NALF1: variants seen among roughly 807,000 people sequenced by gnomAD.
The protein encoded by NALF1 is family with sequence similarity 155 member A.
In NALF1, 3 loss-of-function variants were observed where a neutral mutation model predicts 48.4. The observed-to-expected ratio is 0.06, with a 90% confidence interval of 0.03 to 0.16. The LOEUF (loss-of-function observed/expected upper bound fraction) is 0.16, where lower values mean the gene tolerates loss of function less well. Ranked by LOEUF, NALF1 falls within the 10% of genes least tolerant of loss-of-function variation. NALF1 has a pLI of 1.00. For missense variants in NALF1, 526 were observed against 571.5 expected, an observed-to-expected ratio of 0.92 and a Z score of 0.81; for synonymous variants, 262 against 245.7, an observed-to-expected ratio of 1.07 and a Z score of -0.62.
intron 1 of NALF1, among the ~76,000 whole-genome samples, chr13:107,833,842 A>G (rs941979670): frequency 3.9e-5 from 6 of 151,974 alleles, no homozygotes; most frequent in African/African-American, 1.4e-4. Flanking sequence ...AGTATTTTGC[A>G]TATTATCTTA....
rs1278138968 is a variant in NALF1 at position 107,543,281 on chromosome 13, T to C, written c.915+322401A>G. ...AACTTAAAACTAATGCTACATAATA[T>C]GTTATGATTTCATTTAGCCCACTTT... On this transcript the variant is annotated intron_variant, in intron 1 of 2. Coordinates refer to ENST00000375915, the MANE Select transcript of NALF1 (RefSeq NM_001080396.3). 5.3e-5 allele frequency among the ~76,000 whole-genome samples: 8 copies of C among 152,056 alleles called. No homozygotes were observed. The East Asian group carries it at 1.2e-3, about 22-fold the overall frequency.
Position 107,274,622 on chromosome 13 carries a change from G to A in NALF1, c.916-63867C>T, listed in dbSNP as rs1203100268. On this transcript the variant is annotated intron_variant, in intron 1 of 2. Coordinates refer to ENST00000375915, the MANE Select transcript of NALF1 (RefSeq NM_001080396.3). ...GTATGGCAAAGCAAAACAAACAAAA[G>A]GTTAAAGTCACATGATCAGTAGTTA... Among the ~76,000 whole-genome samples, 5 of 152,166 alleles carry A rather than the reference G, an allele frequency of 3.3e-5. No homozygotes were observed. The East Asian group carries it at 9.7e-4, about 29-fold the overall frequency.
intron 1 of NALF1, among the ~76,000 whole-genome samples, chr13:107,658,394 T>G (rs975149828): frequency 2.6e-5 from 4 of 152,244 alleles, no homozygotes; most frequent in African/African-American, 7.2e-5. Context: ...TTTTTAATGC[T>G]TATGGCTCTT....
intron 1 of NALF1, among the ~76,000 whole-genome samples, chr13:107,610,127 T>C (rs1384927926): frequency 6.6e-6 from 1 of 152,074 alleles, no homozygotes; most frequent in African/African-American, 2.4e-5. Flanking sequence ...GATAAAGATA[T>C]GGGGAAAAAT....
At chr13:107,575,624 TC>T (rs1446345988) in intron 1 of NALF1, among the ~76,000 whole-genome samples, 9 of 152,042 alleles carry the variant, frequency 5.9e-5, no homozygotes, top group Non-Finnish European at 1.2e-4. Context: ...GTAGCCCATT[TC>T]CCCCACTCCC....
intron 1 of NALF1, among the ~76,000 whole-genome samples, chr13:107,294,877 T>G (rs999637324): frequency 1.3e-5 from 2 of 152,236 alleles, no homozygotes; most frequent in Admixed American, 1.3e-4. Flanking sequence ...TGAGACCATG[T>G]ACAATGTTCA....
At chr13:107,633,937 T>C (rs1218399622) in intron 1 of NALF1, among the ~76,000 whole-genome samples, 5 of 149,198 alleles carry the variant, frequency 3.4e-5, no homozygotes. Context: ...TATATGGATA[T>C]ATATATTCTG....
At chr13:107,679,585 C>T (rs1007672762) in intron 1 of NALF1, among the ~76,000 whole-genome samples, 1 of 152,184 alleles carries the variant, frequency 6.6e-6, no homozygotes, top group Non-Finnish European at 1.5e-5. Context: ...TGATGGAGGG[C>T]ATGCACCTTC....
intron 1 of NALF1, among the ~76,000 whole-genome samples, chr13:107,507,496 T>C (rs1875736603): frequency 6.6e-6 from 1 of 151,330 alleles, no homozygotes; most frequent in Admixed American, 6.6e-5. Context: ...AGAAACCTGT[T>C]TATGTATCGT....
At chr13:107,220,322 C>A (rs1305461162) in intron 1 of NALF1, among the ~76,000 whole-genome samples, 3 of 152,198 alleles carry the variant, frequency 2.0e-5, no homozygotes, top group Non-Finnish European at 1.5e-5. Flanking sequence ...TAAGAGCCAA[C>A]CGGCACCCTG....
intron 1 of NALF1, among the ~76,000 whole-genome samples, chr13:107,229,326 C>T (rs1880172329): frequency 6.6e-6 from 1 of 152,056 alleles, no homozygotes; most frequent in Admixed American, 6.6e-5. Flanking sequence ...TGGAGAAAGG[C>T]ACTTTTGGGC....
chr13:107,295,294 T>A, intron 1 of NALF1, among the ~76,000 whole-genome samples: 1 of 152,344 alleles, frequency 6.6e-6, no homozygotes. Context: ...TCCAGTTGCA[T>A]CCATGTTGTT....
chr13:107,373,063 G>T (rs944900689), intron 1 of NALF1, among the ~76,000 whole-genome samples: 1 of 152,122 alleles, frequency 6.6e-6, no homozygotes, highest in South Asian at 2.1e-4. Context: ...ATTAGTTCAT[G>T]TAATTATGTG....
chr13:107,336,370 T>C (rs1376032036), intron 1 of NALF1, among the ~76,000 whole-genome samples: 1 of 118,298 alleles, frequency 8.5e-6, no homozygotes, highest in Non-Finnish European at 1.8e-5. Flanking sequence ...ATGATGATGA[T>C]AATAATAATA....
intron 1 of NALF1, among the ~76,000 whole-genome samples, chr13:107,781,713 T>C (rs1877893790): frequency 6.6e-6 from 1 of 151,874 alleles, no homozygotes; most frequent in African/African-American, 2.4e-5. Flanking sequence ...TGGTGCACAA[T>C]CTCATTTTGA....
At chr13:107,184,713 T>C (rs779700074) in intron 2 of NALF1, among the ~76,000 whole-genome samples, 3 of 152,240 alleles carry the variant, frequency 2.0e-5, no homozygotes, top group Admixed American at 6.5e-5. Flanking sequence ...TGAGAGCTGA[T>C]GCTATCTAAA....
chr13:107,595,631 A>G (rs1438502661), intron 1 of NALF1, among the ~76,000 whole-genome samples: 3 of 152,160 alleles, frequency 2.0e-5, no homozygotes, highest in African/African-American at 7.2e-5. Flanking sequence ...TAATTGCTAT[A>G]TTTTCCAGAT....
At chr13:107,210,488 T>C in intron 2 of NALF1, 96 bp downstream of exon 2, 1 of 870,972 alleles carries the variant, frequency 1.1e-6, no homozygotes, top group South Asian at 1.5e-5. Flanking sequence ...ATCTTCAAGG[T>C]TATATCAGTG....
chr13:107,454,456 C>G (rs1884792518), intron 1 of NALF1, among the ~76,000 whole-genome samples: 1 of 152,090 alleles, frequency 6.6e-6, no homozygotes, highest in African/African-American at 2.4e-5. Context: ...CCTTATAAAA[C>G]CATCAGATCT....
Sources: gnomAD v4.1 joint callset for allele counts (sites outside exome capture counted in the v4.1 genomes callset) on GRCh38, gnomAD v4.1.1 for gene constraint, MANE v1.5 for transcripts, NCBI Gene and HGNC (gene_info 2026-07-23, HGNC 2026-07-21) for gene names.